The following CRPPA variants were observed in gnomAD, a reference collection of about 807,000 sequenced individuals.
CRPPA encodes D-ribitol-5-phosphate cytidylyltransferase.
In CRPPA, 43 loss-of-function variants were observed where a neutral mutation model predicts 52.0. The ratio of observed to expected loss-of-function variants is 0.83; its 90% CI spans 0.65 to 1.07. The LOEUF is 1.07. Ranked by LOEUF, CRPPA falls within the 50% of genes least tolerant of loss-of-function variation. The pLI is 0.00. For synonymous variants in CRPPA, 250 were observed against 203.5 expected (o/e 1.23, Z -1.94); for missense variants, 629 against 551.7 (o/e 1.14, Z -1.40).
intron 5 of CRPPA, among the ~76,000 whole-genome samples, chr7:16,288,929 T>G (rs145911461): frequency 6.7e-6 from 1 of 150,148 alleles, no homozygotes; most frequent in African/African-American, 2.5e-5. Flanking sequence ...AAATGAAGTT[T>G]GGTTGTAAAC....
intron 8 of CRPPA, among the ~76,000 whole-genome samples, chr7:16,244,593 T>G (rs1244001415): frequency 6.6e-6 from 1 of 152,224 alleles, no homozygotes; most frequent in Non-Finnish European, 1.5e-5. Flanking sequence ...ATGTTGTTTT[T>G]GCCAAATGCC....
intron 3 of CRPPA, among the ~76,000 whole-genome samples, chr7:16,351,647 C>G (rs1360061122): frequency 2.6e-5 from 4 of 151,836 alleles, no homozygotes; most frequent in Non-Finnish European, 4.4e-5. Flanking sequence ...TTTATGCGGC[C>G]AAACATATGA....
chr7:16,276,643 C>T (rs1784209039), intron 6 of CRPPA: 1 of 152,170 alleles, frequency 6.6e-6, no homozygotes. Flanking sequence ...CTCACTAGAG[C>T]ATCTATTGGA....
intron 2 of CRPPA, among the ~76,000 whole-genome samples, chr7:16,388,419 A>G (rs552271280): frequency 7.9e-5 from 12 of 152,366 alleles, no homozygotes; most frequent in African/African-American, 2.2e-4. Context: ...AGGAAAATGT[A>G]TAACTGTAAA....
intron 5 of CRPPA, among the ~76,000 whole-genome samples, chr7:16,279,458 A>G (rs1276090069): frequency 6.6e-6 from 1 of 152,212 alleles, no homozygotes; most frequent in African/African-American, 2.4e-5. Context: ...TCAGAGAAGT[A>G]ATTTGCCCAA....
At chr7:16,303,542 T>C (rs533754526) in intron 4 of CRPPA, among the ~76,000 whole-genome samples, 150 of 143,118 alleles carry the variant, frequency 1.0e-3, no homozygotes, top group African/African-American at 3.8e-3. Flanking sequence ...TCTCCAATAA[T>C]TTAAGGTGAC....
At chr7:16,221,949 C>T (rs1285809886) in intron 8 of CRPPA, among the ~76,000 whole-genome samples, 5 of 151,884 alleles carry the variant, frequency 3.3e-5, no homozygotes, top group African/African-American at 1.2e-4. Flanking sequence ...TTACTGGGTA[C>T]ATACCCAAAG....
chr7:16,273,378 G>A (rs907960983), intron 6 of CRPPA, among the ~76,000 whole-genome samples: 1 of 152,030 alleles, frequency 6.6e-6, no homozygotes, highest in Admixed American at 6.6e-5. Flanking sequence ...CAGCAGAGTG[G>A]AACAGCAGGG....
intron 8 of CRPPA, among the ~76,000 whole-genome samples, chr7:16,223,555 C>A (rs1176402150): frequency 3.3e-5 from 5 of 152,150 alleles, no homozygotes; most frequent in Non-Finnish European, 5.9e-5. Flanking sequence ...CAATCTCCTG[C>A]AGATGTTCTT....
intron 2 of CRPPA, among the ~76,000 whole-genome samples, chr7:16,397,342 C>A (rs747194069): frequency 6.6e-6 from 1 of 152,188 alleles, no homozygotes; most frequent in Non-Finnish European, 1.5e-5. Flanking sequence ...ACATGACCAA[C>A]ATGTGTTACA....
Position 16,134,368 on chromosome 7 carries a change from GATAAATGTA to G in CRPPA, c.1252-42578_1252-42570del, listed in dbSNP as rs1442498697. 2.9e-5 allele frequency among the ~76,000 whole-genome samples: 2 copies of G among 68,360 alleles called. 1 individual carries two copies. Among genetic ancestry groups the G allele is most frequent in the African/African-American group, 7.2e-5 (2 of 27,716 alleles). The allele number at this position is 68,360 out of a possible 152,430, so 44.8% of individuals were successfully genotyped here. A position where few individuals can be genotyped will look rare whatever the true frequency, so the allele number is the denominator to read the frequency against. On this transcript the variant is annotated intron_variant, in intron 9 of 9. Transcript: ENST00000407010. ...AGCCCATAGCCTGTTAGAACCTAAT[GATAAATGTA>G]ATACACTTGAATCATCCTGAAACCA...
Position 16,421,323 on chromosome 7 carries a change from G to T in CRPPA, c.-1C>A. 8.0e-7 allele frequency: 1 copy of T among 1,248,978 alleles called. No individual in the cohort carries two copies. Among genetic ancestry groups the T allele is most frequent in the Non-Finnish European group, 1.0e-6 (1 of 993,546 alleles). The allele number at this position is 1,248,978 out of a possible 1,614,324, so 77.4% of individuals were successfully genotyped here. Reference sequence around the variant, plus strand: ...CGCTGCCCGGCGGCCCGGCCTCCATGGCTGCGGGCGGAACGGCGAGCCCCG... The same window carrying T: ...CGCTGCCCGGCGGCCCGGCCTCCATTGCTGCGGGCGGAACGGCGAGCCCCG... On this transcript the variant is annotated 5_prime_UTR_variant, in exon 1 of 10. Transcript: ENST00000407010.
At chr7:16,398,260 C>A (rs536965941) in intron 2 of CRPPA, among the ~76,000 whole-genome samples, 2 of 152,018 alleles carry the variant, frequency 1.3e-5, no homozygotes, top group East Asian at 3.9e-4. Flanking sequence ...GTGACTCACA[C>A]GTGACCAGTG....
intron 6 of CRPPA, 47 bp from the exon 7 acceptor site, chr7:16,259,059 C>G (rs1313293178): frequency 7.8e-7 from 1 of 1,280,340 alleles, no homozygotes; most frequent in African/African-American, 1.5e-5. Context: ...ATAGACCAAA[C>G]ATAAACATCT....
At chr7:16,392,773 G>A (rs181309509) in intron 2 of CRPPA, among the ~76,000 whole-genome samples, 20 of 151,960 alleles carry the variant, frequency 1.3e-4, no homozygotes, top group Admixed American at 9.8e-4. Context: ...AAAGAATTAC[G>A]TAGTTTAAAT....
intron 3 of CRPPA, among the ~76,000 whole-genome samples, chr7:16,312,974 A>G (rs140167161): frequency 6.6e-6 from 1 of 152,028 alleles, no homozygotes; most frequent in East Asian, 1.9e-4. Flanking sequence ...CAGCTTGGTG[A>G]TATTTTGATA....
At chr7:16,169,603 AT>A (rs1390632610) in intron 9 of CRPPA, among the ~76,000 whole-genome samples, 1 of 152,250 alleles carries the variant, frequency 6.6e-6, no homozygotes, top group Non-Finnish European at 1.5e-5. Flanking sequence ...CAAGAAAAAA[AT>A]ATATGCATTT....
intron 8 of CRPPA, among the ~76,000 whole-genome samples, chr7:16,254,855 A>AAAGAAAGAGAAAG (rs1562588958): frequency 1.3e-5 from 2 of 150,338 alleles, no homozygotes; most frequent in Non-Finnish European, 3.0e-5. Context: ...GAGAAAGAAG[A>AAAGAAAGAGAAAG]AAGAAAGAAA....
intron 9 of CRPPA, among the ~76,000 whole-genome samples, chr7:16,174,997 A>G (rs1781265960): frequency 1.3e-5 from 2 of 152,226 alleles, no homozygotes; most frequent in East Asian, 1.9e-4. Flanking sequence ...GAAGGGTAAG[A>G]TTTTGTTGGT....
Sources: gnomAD v4.1 joint callset for allele counts (sites outside exome capture counted in the v4.1 genomes callset) on GRCh38, gnomAD v4.1.1 for gene constraint, MANE v1.5 for transcripts, NCBI Gene and HGNC (gene_info 2026-07-23, HGNC 2026-07-21) for gene names.